NEK11: variants seen among roughly 807,000 people sequenced by gnomAD.
NEK11 encodes the protein NIMA related kinase 11.
A neutral mutation model predicts 80.7 loss-of-function variants in NEK11; 72 were observed. The observed-to-expected ratio is 0.89, with a 90% confidence interval of 0.74 to 1.08. The LOEUF (loss-of-function observed/expected upper bound fraction) is 1.08. Among genes scored for constraint, NEK11 ranks in the 50% least tolerant of loss-of-function variants. The probability of loss-of-function intolerance (pLI) is 0.00; values close to 1 mark genes in which losing one functional copy is unlikely to be tolerated. For missense variants in NEK11, 764 were observed against 763.6 expected (o/e 1.00, Z -0.01); for synonymous variants, 251 against 260.7 (o/e 0.96, Z 0.36).
chr3:131,153,410 T>A (rs2090053455), intron 9 of NEK11, among the ~76,000 whole-genome samples: 1 of 152,226 alleles, frequency 6.6e-6, no homozygotes, highest in African/African-American at 2.4e-5. Flanking sequence ...TAGGTTTATT[T>A]TGTTTTCTTG....
At chr3:131,266,035 G>C (rs2096050600) in intron 16 of NEK11, among the ~76,000 whole-genome samples, 1 of 152,160 alleles carries the variant, frequency 6.6e-6, no homozygotes, top group Non-Finnish European at 1.5e-5. Flanking sequence ...ATGGTAGTTT[G>C]TATTTCTGTG....
intron 5 of NEK11, among the ~76,000 whole-genome samples, chr3:131,132,356 A>C (rs193030514): frequency 6.6e-6 from 1 of 152,014 alleles, no homozygotes; most frequent in Admixed American, 6.6e-5. Flanking sequence ...CAACAACGTT[A>C]TTATTTTCAC....
intron 17 of NEK11, among the ~76,000 whole-genome samples, chr3:131,308,520 CTGTCTT>C (rs2096745066): frequency 6.6e-6 from 1 of 152,130 alleles, no homozygotes; most frequent in African/African-American, 2.4e-5. Context: ...ATTTACACCC[CTGTCTT>C]TAAGAATTAG....
intron 3 of NEK11, among the ~76,000 whole-genome samples, chr3:131,037,518 G>A (rs1346952350): frequency 1.3e-5 from 2 of 152,120 alleles, no homozygotes; most frequent in Non-Finnish European, 2.9e-5. Flanking sequence ...TCTTAACCTC[G>A]TGGTCCACCT....
chr3:131,203,905 C>CCCCTG (rs1014107079), intron 14 of NEK11, among the ~76,000 whole-genome samples: 1 of 150,438 alleles, frequency 6.6e-6, no homozygotes, highest in Non-Finnish European at 1.5e-5. Context: ...CTCTGACCTT[C>CCCCTG]CCCTGCCCTC....
chr3:131,175,043 C>A (rs2092927092), intron 14 of NEK11: 2 of 1,266,052 alleles, frequency 1.6e-6, no homozygotes, highest in Non-Finnish European at 2.0e-6. Flanking sequence ...GCCCCACATG[C>A]CCTTTACAGT....
chr3:131,249,213 A>C (rs1415631379), intron 16 of NEK11, among the ~76,000 whole-genome samples: 1 of 152,122 alleles, frequency 6.6e-6, no homozygotes, highest in Admixed American at 6.6e-5. Context: ...ATGAGTGATA[A>C]CTGATTTAGA....
Position 131,152,406 on chromosome 3 carries a change from G to C in NEK11, c.666G>C (p.Leu222Phe). 6.2e-7 allele frequency: 1 copy of C among 1,605,420 alleles called. No homozygotes were observed. Among genetic ancestry groups the C allele is most frequent in the Non-Finnish European group, 8.5e-7 (1 of 1,177,196 alleles). The change falls in exon 8 of 18, where the codon TTG becomes TTC. Residue 222 changes from leucine to phenylalanine, a missense_variant. Coordinates refer to ENST00000383366, the MANE Select transcript of NEK11 (RefSeq NM_024800.5). Reference sequence around the variant, plus strand: ...TCTTCAGGTCACTGGCATGCATTTTGTATGAGATGTGCTGCATGAATCATG... The same window carrying C: ...TCTTCAGGTCACTGGCATGCATTTTCTATGAGATGTGCTGCATGAATCATG... ...KSDIWSLACI[L>F]YEMCCMNHAF...
At chr3:131,152,599 C>T (rs1337292578) in intron 8 of NEK11, 32 bp from the exon 9 acceptor site, 1 of 1,607,238 alleles carries the variant, frequency 6.2e-7, no homozygotes, top group Non-Finnish European at 8.5e-7. Flanking sequence ...TTTAGTTTAC[C>T]TGAAAAATAA....
chr3:131,298,782 G>T (rs2096629053), intron 17 of NEK11, among the ~76,000 whole-genome samples: 1 of 151,842 alleles, frequency 6.6e-6, no homozygotes, highest in South Asian at 2.1e-4. Context: ...TGGATCTATG[G>T]GTTGTCGTCT....
intron 16 of NEK11, among the ~76,000 whole-genome samples, chr3:131,265,446 G>A (rs933481820): frequency 1.3e-5 from 2 of 152,102 alleles, no homozygotes; most frequent in African/African-American, 4.8e-5. Context: ...TTTTGTCGAA[G>A]GCCTTTTCTG....
Position 131,210,825 on chromosome 3 carries a change from A to G in NEK11, c.1400-17703A>G, listed in dbSNP as rs563429476. ...GCTTTTTTTTGTTTTCCATTTGCTT[A>G]GTAGATCTTCCTCCATCCCTTTATT... On this transcript the variant is annotated intron_variant, in intron 14 of 17. Coordinates refer to ENST00000383366, the MANE Select transcript of NEK11 (RefSeq NM_024800.5). 2.2e-4 allele frequency among the ~76,000 whole-genome samples: 34 copies of G among 152,106 alleles called. No homozygotes were observed. In the East Asian group the frequency reaches 3.5e-3, roughly 16 times the overall value.
intron 4 of NEK11, among the ~76,000 whole-genome samples, chr3:131,108,637 C>A (rs555828726): frequency 6.6e-6 from 1 of 151,984 alleles, no homozygotes; most frequent in South Asian, 2.1e-4. Flanking sequence ...TCAGACACTG[C>A]CAGGCTATTT....
intron 14 of NEK11, among the ~76,000 whole-genome samples, chr3:131,211,032 A>G (rs1365076473): frequency 6.6e-6 from 1 of 152,132 alleles, no homozygotes; most frequent in Non-Finnish European, 1.5e-5. Flanking sequence ...TTAGCTGGTT[A>G]TTTTGCCCAC....
intron 16 of NEK11, among the ~76,000 whole-genome samples, chr3:131,258,845 AC>A (rs1216248517): frequency 6.6e-6 from 1 of 152,150 alleles, no homozygotes; most frequent in African/African-American, 2.4e-5. Flanking sequence ...AAGTTGATCC[AC>A]TTTTTCCCAA....
intron 14 of NEK11, among the ~76,000 whole-genome samples, chr3:131,215,156 C>T (rs1184867835): frequency 6.6e-6 from 1 of 151,374 alleles, no homozygotes; most frequent in Non-Finnish European, 1.5e-5. Context: ...TCCTGCTGTG[C>T]TGTGAAATAT....
intron 10 of NEK11, among the ~76,000 whole-genome samples, chr3:131,157,774 G>A (rs747122213): frequency 2.0e-5 from 3 of 152,176 alleles, no homozygotes; most frequent in Non-Finnish European, 4.4e-5. Flanking sequence ...CTCCAGTGAC[G>A]CTGGGGGAAT....
At chr3:131,080,075 A>T (rs951196259) in intron 3 of NEK11, among the ~76,000 whole-genome samples, 20 of 146,108 alleles carry the variant, frequency 1.4e-4, no homozygotes, top group Non-Finnish European at 2.2e-4. Flanking sequence ...GTATGAACAC[A>T]CATAGAAAGA....
intron 15 of NEK11, among the ~76,000 whole-genome samples, chr3:131,235,399 C>T (rs894958592): frequency 1.8e-4 from 27 of 152,282 alleles, no homozygotes; most frequent in African/African-American, 6.3e-4. Context: ...TCCTAAACAG[C>T]GTTGGCAAAC....
Sources: allele counts gnomAD v4.1 joint callset (sites outside exome capture counted in the v4.1 genomes callset), GRCh38; gene constraint gnomAD v4.1.1; transcripts MANE v1.5; gene names NCBI Gene and HGNC (gene_info 2026-07-23, HGNC 2026-07-21).